The following PRUNE2 variants were observed in gnomAD, a reference collection of about 807,000 sequenced individuals.
PRUNE2 encodes the protein prune homolog 2 with BCH domain, also known as protein prune homolog 2.
Under a neutral mutation model 252.0 loss-of-function variants are expected in PRUNE2, and 164 were observed. That is an observed-to-expected ratio of 0.65 (90% CI 0.57 to 0.74). The LOEUF (loss-of-function observed/expected upper bound fraction) is 0.74. Among genes scored for constraint, PRUNE2 ranks in the 30% least tolerant of loss-of-function variants. The pLI, the probability that PRUNE2 is intolerant of heterozygous loss-of-function variation, is 0.00. For synonymous variants in PRUNE2, 1,292 were observed against 1,350.2 expected, an observed-to-expected ratio of 0.96 and a Z score of 0.94; for missense variants, 3,495 against 3,711.0, an observed-to-expected ratio of 0.94 and a Z score of 1.51.
chr9:76,873,152 G>C (rs1384772152), intron 1 of PRUNE2, among the ~76,000 whole-genome samples: 1 of 151,790 alleles, frequency 6.6e-6, no homozygotes, highest in Non-Finnish European at 1.5e-5. Flanking sequence ...ACAACATCTT[G>C]ATCTTGAACT....
chr9:76,783,991 A>G (rs2054704283), intron 6 of PRUNE2: 1 of 152,132 alleles, frequency 6.6e-6, no homozygotes, highest in African/African-American at 2.4e-5. Flanking sequence ...CCCGGAATCC[A>G]CTACCGATTT....
chr9:76,661,875 GT>G (rs142141727), intron 9 of PRUNE2, among the ~76,000 whole-genome samples: 1,991 of 145,702 alleles, frequency 0.014, 43 homozygotes, highest in African/African-American at 0.044. Flanking sequence ...TAAAAACACA[GT>G]TTTTTTTTTT....
chr9:76,703,665 C>A lies in PRUNE2; in HGVS notation c.7948G>T (p.Asp2650Tyr), dbSNP rs1260103794. ...EVGDPSLDAR[D>Y]SGPGWSGKTV... is the part of the protein sequence containing the mutation. The stretch of plus-strand genomic sequence containing the variant: ...TTGCCAGACCACCCAGGCCCTGAGT[C>A]CCTGGCATCCAGTGATGGATCACCA... Residue 2650 changes from aspartate (D) to tyrosine (Y), a missense_variant, in exon 9 of 19, where the codon GAC becomes TAC. By Grantham distance (160) the Asp-to-Tyr change is radical (BLOSUM62 -3). Transcript: ENST00000376718. 1 of 1,612,662 alleles carries A rather than the reference C, an allele frequency of 6.2e-7. No individual in the cohort carries two copies. The highest frequency in any genetic ancestry group is 1.7e-5 in the Admixed American group (1 of 59,972).
chr9:76,812,580 C>T (rs2057427516), intron 6 of PRUNE2, among the ~76,000 whole-genome samples: 1 of 152,230 alleles, frequency 6.6e-6, no homozygotes, highest in African/African-American at 2.4e-5. Flanking sequence ...TTCGACTACA[C>T]ACAAATGATT....
At chr9:76,887,207 T>C (rs1389177191) in intron 1 of PRUNE2, among the ~76,000 whole-genome samples, 2 of 152,154 alleles carry the variant, frequency 1.3e-5, no homozygotes, top group African/African-American at 4.8e-5. Context: ...GGGACATAGA[T>C]GCAGCCTGAA....
chr9:76,698,247 G>A (rs888660162), intron 9 of PRUNE2, among the ~76,000 whole-genome samples: 3 of 151,260 alleles, frequency 2.0e-5, no homozygotes, highest in East Asian at 1.9e-4. Context: ...GGGTTTTGCC[G>A]TGTTGGCTAG....
chr9:76,717,882 C>T (rs2047297945), intron 6 of PRUNE2, among the ~76,000 whole-genome samples: 1 of 152,168 alleles, frequency 6.6e-6, no homozygotes, highest in South Asian at 2.1e-4. Flanking sequence ...GATGACTAAA[C>T]ATTTTTAGAG....
At chr9:76,837,793 A>G (rs1224610482) in intron 4 of PRUNE2, among the ~76,000 whole-genome samples, 2 of 130,986 alleles carry the variant, frequency 1.5e-5, no homozygotes, top group East Asian at 4.4e-4. Flanking sequence ...TTTTTTTGAG[A>G]CGGAGTCTTG....
intron 1 of PRUNE2, among the ~76,000 whole-genome samples, chr9:76,894,068 T>C (rs1439123428): frequency 6.6e-6 from 1 of 152,202 alleles, no homozygotes; most frequent in African/African-American, 2.4e-5. Context: ...AAGACCATGC[T>C]TGCAATTTGC....
intron 6 of PRUNE2, among the ~76,000 whole-genome samples, chr9:76,811,763 G>A (rs2057371343): frequency 6.6e-6 from 1 of 152,170 alleles, no homozygotes; most frequent in African/African-American, 2.4e-5. Context: ...ACTTAAAAGA[G>A]AAGTCTTAAA....
intron 6 of PRUNE2, among the ~76,000 whole-genome samples, chr9:76,765,167 C>A (rs2052202386): frequency 6.6e-6 from 1 of 152,034 alleles, no homozygotes; most frequent in Non-Finnish European, 1.5e-5. Flanking sequence ...AGAGAAAAGT[C>A]AATGAGCTGG....
At chr9:76,814,512 A>G (rs1360470016) in intron 6 of PRUNE2, among the ~76,000 whole-genome samples, 1 of 152,154 alleles carries the variant, frequency 6.6e-6, no homozygotes, top group Non-Finnish European at 1.5e-5. Context: ...CCATAAAACT[A>G]TGAGAGATAA....
intron 1 of PRUNE2, among the ~76,000 whole-genome samples, chr9:76,897,825 T>A (rs2062934397): frequency 6.6e-6 from 1 of 152,202 alleles, no homozygotes; most frequent in Non-Finnish European, 1.5e-5. Context: ...TAAAAGTATC[T>A]CTTAGAGCTA....
chr9:76,787,386 C>G (rs1347413259), intron 6 of PRUNE2: 1 of 151,004 alleles, frequency 6.6e-6, no homozygotes, highest in Admixed American at 6.6e-5. Context: ...ATAAGTGATT[C>G]GGGGGGTGGG....
In PRUNE2 at chr9:76,705,571, T is replaced by C. The variant is rs766779823; in HGVS notation, c.6703A>G (p.Ile2235Val). 8 of 1,614,034 alleles carry C rather than the reference T, an allele frequency of 5.0e-6. No homozygotes were observed. The highest frequency in any genetic ancestry group is 1.6e-4 in the Middle Eastern group (1 of 6,062). ...GTTGGCTCTTGGTGAGTTACAAAAA[T>C]GCTAGTTGCCACATTTTCAATCCTT... Reference protein sequence around the residue: ...IPRIENVATSIFVTHQEPTPE... With the variant: ...IPRIENVATSVFVTHQEPTPE... The change falls in exon 8 of 19, where the codon ATT becomes GTT. Residue 2235 changes from isoleucine to valine, a missense_variant. Coordinates refer to ENST00000376718, the MANE Select transcript of PRUNE2 (RefSeq NM_015225.3).
intron 6 of PRUNE2, among the ~76,000 whole-genome samples, chr9:76,726,830 A>C (rs1003459012): frequency 2.6e-5 from 4 of 152,248 alleles, no homozygotes; most frequent in Admixed American, 6.5e-5. Flanking sequence ...TCTATGAGGC[A>C]TTAAAATGCT....
In PRUNE2 at chr9:76,710,113, C is replaced by A; in HGVS notation, c.2161G>T (p.Gly721Cys). The change falls in exon 8 of 19, where the codon GGT (glycine) becomes TGT (cysteine). Residue 721 changes from glycine to cysteine, a missense_variant. By Grantham distance (159) the Gly-to-Cys change is radical. Transcript: ENST00000376718. ...TCATTGCTACCCAGTTCAGGCTGACCAAATTCAGACTCCCAGGGACCTGAC... is the reference window on the plus strand; with the variant it reads ...TCATTGCTACCCAGTTCAGGCTGACAAAATTCAGACTCCCAGGGACCTGAC... ...TKSGPWESEF[G>C]QPELGSNDIQ... is the part of the protein sequence containing the mutation. 6.2e-7 allele frequency: 1 copy of A among 1,613,914 alleles called. No individual in the cohort carries two copies. Among genetic ancestry groups the A allele is most frequent in the Middle Eastern group, 1.6e-4 (1 of 6,062 alleles).
Position 76,655,469 on chromosome 9 carries a change from G to T in PRUNE2, c.8310C>A (p.Pro2770=). 6.2e-7 allele frequency: 1 copy of T among 1,612,890 alleles called. No individual in the cohort carries two copies. The highest frequency in any genetic ancestry group is 8.5e-7 in the Non-Finnish European group (1 of 1,179,502). ...TGGGACTCAGCACGCCCTCTTCAAAGGGGATGTCCATTCCTACATCCTCTG... is the reference window on the plus strand; with the variant it reads ...TGGGACTCAGCACGCCCTCTTCAAATGGGATGTCCATTCCTACATCCTCTG... The part of the protein sequence containing the change: ...LLSEDVGMDI[P]FEEGVLSPSA... Residue 2770 remains proline, a synonymous_variant, in exon 10 of 19, where the codon CCC becomes CCA. Transcript: ENST00000376718.
intron 1 of PRUNE2, among the ~76,000 whole-genome samples, chr9:76,857,727 TC>T (rs1453243943): frequency 6.6e-6 from 1 of 152,038 alleles, no homozygotes; most frequent in African/African-American, 2.4e-5. Context: ...CTCTTGAGCT[TC>T]CCCCCACAAA....
Sources: allele counts gnomAD v4.1 joint callset (sites outside exome capture counted in the v4.1 genomes callset), GRCh38; gene constraint gnomAD v4.1.1; transcripts MANE v1.5; gene names NCBI Gene and HGNC (gene_info 2026-07-23, HGNC 2026-07-21).